PAH: variants seen among roughly 807,000 people sequenced by gnomAD.
The protein encoded by PAH is phenylalanine hydroxylase.
PAH carries 64 observed loss-of-function variants against 62.0 expected under a neutral mutation model. That is an observed-to-expected ratio of 1.03 (90% CI 0.84 to 1.27). The LOEUF (loss-of-function observed/expected upper bound fraction) is 1.27. PAH is among the 50% of genes most tolerant of loss of function. PAH has a pLI of 0.00. For missense variants in PAH, 579 were observed against 542.8 expected (o/e 1.07, Z -0.66); for synonymous variants, 195 against 196.2 (o/e 0.99, Z 0.05).
At chr12:102,937,228 C>T (rs189695275) in intron 1 of PAH, among the ~76,000 whole-genome samples, 131 of 152,290 alleles carry the variant, frequency 8.6e-4, no homozygotes, top group African/African-American at 3.0e-3. Context: ...AGAACTAATA[C>T]TGAGAGTTTA....
At chr12:102,856,350 T>G (rs1206721562) in intron 5 of PAH, among the ~76,000 whole-genome samples, 1 of 152,180 alleles carries the variant, frequency 6.6e-6, no homozygotes, top group Non-Finnish European at 1.5e-5. Context: ...TCAAACTGGG[T>G]GGAGCCCACC....
At chr12:102,874,287 A>C (rs1876474600) in intron 4 of PAH, among the ~76,000 whole-genome samples, 1 of 152,246 alleles carries the variant, frequency 6.6e-6, no homozygotes, top group Non-Finnish European at 1.5e-5. Context: ...AAATAGAACC[A>C]GTTGGATTCT....
At chr12:102,916,144 ATTT>A (rs67729086) in intron 1 of PAH, among the ~76,000 whole-genome samples, 3 of 150,068 alleles carry the variant, frequency 2.0e-5, no homozygotes, top group Admixed American at 6.6e-5. Context: ...TTCATAAGAA[ATTT>A]TTTTTTTTAA....
At chr12:102,928,779 T>A (rs146174886) in intron 1 of PAH, among the ~76,000 whole-genome samples, 9 of 152,298 alleles carry the variant, frequency 5.9e-5, no homozygotes, top group Non-Finnish European at 1.2e-4. Flanking sequence ...AAAAGGTGGC[T>A]GAGGTCTAGG....
At chr12:102,854,374 T>A (rs1036566109) in intron 6 of PAH, among the ~76,000 whole-genome samples, 2 of 152,206 alleles carry the variant, frequency 1.3e-5, no homozygotes, top group East Asian at 1.9e-4. Context: ...AGGTGTTCAA[T>A]ATGTGCTAGT....
intron 4 of PAH, among the ~76,000 whole-genome samples, chr12:102,871,922 CAAAAAAAAAAAAA>C (rs1168829038): frequency 6.6e-4 from 76 of 115,456 alleles, no homozygotes; most frequent in African/African-American, 2.8e-3. Flanking sequence ...AACTCTGCCT[CAAAAAAAAAAAAA>C]AAAAAAAAAA....
At chr12:102,873,567 T>C (rs1876445514) in intron 4 of PAH, among the ~76,000 whole-genome samples, 1 of 152,220 alleles carries the variant, frequency 6.6e-6, no homozygotes, top group South Asian at 2.1e-4. Flanking sequence ...GATCTTCCTC[T>C]TTCTAGAAGT....
chr12:102,846,938 GC>G lies in PAH; in HGVS notation c.925del (p.Ala309ProfsTer32). 6.2e-7 allele frequency: 1 copy of G among 1,613,552 alleles called. No individual in the cohort carries two copies. Among genetic ancestry groups the G allele is most frequent in the Non-Finnish European group, 8.5e-7 (1 of 1,179,592 alleles). Reference sequence around the variant, plus strand: ...GTATTCATCAGGTGCACCCAGAGAGGCAAGGCCAATTTCCTGTAATTGGGGG... The same window carrying G: ...GTATTCATCAGGTGCACCCAGAGAGGAAGGCCAATTTCCTGTAATTGGGGG... ...FAQFSQEIGL[A>X]SLGAPDEYIE... On this transcript the variant is annotated frameshift_variant, in exon 9 of 13. Coordinates refer to ENST00000553106, the MANE Select transcript of PAH (RefSeq NM_000277.3). LOFTEE classifies it high-confidence loss of function.
In PAH at chr12:102,843,502, G is replaced by C. The variant is rs749918263; in HGVS notation, c.1199+144C>G. The C allele has an allele frequency of 8.0e-4, 662 of 830,168 alleles. 5 individuals carry two copies. Among genetic ancestry groups the C allele is most frequent in the Non-Finnish European group, 1.6e-4 (78 of 499,884 alleles). The allele number at this position is 830,168 out of a possible 1,614,324, so 51.4% of individuals were successfully genotyped here. On this transcript the variant is annotated intron_variant, in intron 11 of 12. Coordinates refer to ENST00000553106, the MANE Select transcript of PAH (RefSeq NM_000277.3). ...CCAACAGAGAACGGAAGAAAAGGAG[G>C]GTGGAGAACATGGGAGAGAAACTGT...
chr12:102,843,253 G>C (rs575968370), intron 11 of PAH, among the ~76,000 whole-genome samples: 1 of 152,260 alleles, frequency 6.6e-6, no homozygotes, highest in East Asian at 1.9e-4. Context: ...AAGACATATA[G>C]AGATTAAATT....
chr12:102,841,480 AC>A (rs1256786686), intron 11 of PAH, among the ~76,000 whole-genome samples: 5 of 152,030 alleles, frequency 3.3e-5, no homozygotes, highest in Non-Finnish European at 5.9e-5. Flanking sequence ...GGCCCTTGTG[AC>A]CATGGGCACA....
In PAH at chr12:102,843,880, C is replaced by T. The variant is rs965828144; in HGVS notation, c.1066-101G>A. The T allele has an allele frequency of 5.7e-5, 74 of 1,304,844 alleles. No homozygotes were observed. In the African/African-American group the frequency reaches 5.8e-4, roughly 10 times the overall value. The allele number at this position is 1,304,844 out of a possible 1,614,324, so 80.8% of individuals were successfully genotyped here. Reference sequence around the variant, plus strand: ...TTGTGCCCCTTCTCTCATCTCACCCCGATTCCTTCTACATCACAGCCCAAA... The same window carrying T: ...TTGTGCCCCTTCTCTCATCTCACCCTGATTCCTTCTACATCACAGCCCAAA... On this transcript the variant is annotated intron_variant, in intron 10 of 12. Coordinates refer to ENST00000553106, the MANE Select transcript of PAH (RefSeq NM_000277.3).
At chr12:102,915,104 T>A (rs1878334905) in intron 1 of PAH, 1 of 152,248 alleles carries the variant, frequency 6.6e-6, no homozygotes. Flanking sequence ...CTGCTTTCTT[T>A]CTTGCCTTTT....
chr12:102,861,580 C>A (rs1268934793), intron 5 of PAH, among the ~76,000 whole-genome samples: 1 of 152,052 alleles, frequency 6.6e-6, no homozygotes, highest in Admixed American at 6.6e-5. Flanking sequence ...TGGAACCAAC[C>A]CAAATGTCCA....
At chr12:102,865,273 G>A (rs1875907941) in intron 5 of PAH, among the ~76,000 whole-genome samples, 1 of 152,264 alleles carries the variant, frequency 6.6e-6, no homozygotes, top group African/African-American at 2.4e-5. Context: ...ATTATATGAA[G>A]TGCAGTCTCT....
At chr12:102,845,652 G>T (rs1874805968) in intron 9 of PAH, among the ~76,000 whole-genome samples, 1 of 152,144 alleles carries the variant, frequency 6.6e-6, no homozygotes, top group Non-Finnish European at 1.5e-5. Context: ...AGAATTAGGG[G>T]TAGGTTATTA....
chr12:102,942,163 G>T lies in PAH; in HGVS notation c.-96+8426C>A, dbSNP rs970524350. Among the ~76,000 whole-genome samples the T allele has an allele frequency of 6.6e-5, 10 of 152,066 alleles. 1 individual carries two copies. The highest frequency in any genetic ancestry group is 2.4e-4 in the African/African-American group (10 of 41,400). ...CATAGATGTTATGATCCTATACCAAGAAAACCCCATTGTGTCTGCTCTAAG... is the reference window on the plus strand; with the variant it reads ...CATAGATGTTATGATCCTATACCAATAAAACCCCATTGTGTCTGCTCTAAG... On this transcript the variant is annotated intron_variant, in intron 1 of 3. Transcript: ENST00000546844.
At chr12:102,918,740 C>T (rs1057474018), upstream of PAH, among the ~76,000 whole-genome samples, 4 of 152,034 alleles carry the variant, frequency 2.6e-5, no homozygotes, top group Non-Finnish European at 5.9e-5. Context: ...GAATATTTCC[C>T]ATAGTAAGTT....
At chr12:102,949,000 C>G (rs1879622108) in intron 1 of PAH, among the ~76,000 whole-genome samples, 1 of 152,070 alleles carries the variant, frequency 6.6e-6, no homozygotes, top group South Asian at 2.1e-4. Flanking sequence ...CAAATGTTCG[C>G]AGTCCCAGCT....
Sources: allele counts gnomAD v4.1 joint callset (sites outside exome capture counted in the v4.1 genomes callset), GRCh38; gene constraint gnomAD v4.1.1; transcripts MANE v1.5; gene names NCBI Gene and HGNC (gene_info 2026-07-23, HGNC 2026-07-21).